Variants in GPBP1L1 observed in about 807,000 individuals in gnomAD.
The protein encoded by GPBP1L1 is vasculin-like protein 1.
A neutral mutation model predicts 52.5 loss-of-function variants in GPBP1L1; 23 were observed. The observed-to-expected ratio is 0.44, with a 90% CI of 0.32 to 0.62. The LOEUF (loss-of-function observed/expected upper bound fraction) is 0.62, where lower values mean the gene tolerates loss of function less well. Ranked by LOEUF, GPBP1L1 falls within the 20% of genes least tolerant of loss-of-function variation. GPBP1L1 has a pLI of 0.06. For synonymous variants in GPBP1L1, 243 were observed against 203.1 expected, an observed-to-expected ratio of 1.20 and a Z score of -1.67; for missense variants, 596 against 579.3, an observed-to-expected ratio of 1.03 and a Z score of -0.30.
chr1:45,654,941 AT>A lies in GPBP1L1; in HGVS notation c.191-113del. On this transcript the variant is annotated intron_variant, in intron 5 of 12. Transcript: ENST00000355105. ...TTAATAAAAAGTCCACACAAAAAAAATAAAAAAATGTATCTTTTCTTTGTGA... is the reference window on the plus strand; with the variant it reads ...TTAATAAAAAGTCCACACAAAAAAAAAAAAAAATGTATCTTTTCTTTGTGA... 2.6e-6 allele frequency: 3 copies of A among 1,145,004 alleles called. No homozygotes were observed. In the South Asian group the frequency reaches 4.9e-5, roughly 19 times the overall value. 70.9% of individuals were successfully genotyped at this position (1,145,004 alleles called of 1,614,324 possible).
At chr1:45,682,552 T>A (rs1645223831) in intron 2 of GPBP1L1, among the ~76,000 whole-genome samples, 1 of 152,230 alleles carries the variant, frequency 6.6e-6, no homozygotes, top group Non-Finnish European at 1.5e-5. Flanking sequence ...CTCCAACTAT[T>A]AAGTATTATC....
chr1:45,679,191 G>C (rs1012081229), intron 2 of GPBP1L1, among the ~76,000 whole-genome samples: 1 of 106,448 alleles, frequency 9.4e-6, no homozygotes, highest in Non-Finnish European at 2.1e-5. Flanking sequence ...AAAATTGTCT[G>C]ACAAGTTTAA....
At chr1:45,686,933 TC>T (rs1431067871), upstream of GPBP1L1, 1 of 152,398 alleles carries the variant, frequency 6.6e-6, no homozygotes, top group Admixed American at 6.5e-5. Flanking sequence ...CATGTGTGTA[TC>T]CCTTTTTTCT....
chr1:45,681,333 C>T (rs1030546767), intron 2 of GPBP1L1, among the ~76,000 whole-genome samples: 4 of 152,186 alleles, frequency 2.6e-5, no homozygotes, highest in Non-Finnish European at 5.9e-5. Flanking sequence ...CTATATCCAA[C>T]TACCAATTTA....
intron 8 of GPBP1L1, among the ~76,000 whole-genome samples, chr1:45,639,821 T>A (rs1644647314): frequency 6.6e-6 from 1 of 151,884 alleles, no homozygotes; most frequent in South Asian, 2.1e-4. Flanking sequence ...GAGCTTGCAG[T>A]GAGCTGAGAT....
intron 4 of GPBP1L1, 124 bp downstream of exon 4, chr1:45,658,904 C>A (rs186240472): frequency 6.1e-5 from 44 of 716,690 alleles, no homozygotes; most frequent in South Asian, 2.9e-4. Context: ...ATCACACTAC[C>A]GCACTTCATC....
upstream of GPBP1L1, chr1:45,687,330 G>A (rs1042481991): frequency 2.0e-5 from 3 of 152,352 alleles, no homozygotes; most frequent in East Asian, 3.8e-4. Flanking sequence ...CAATAAAACT[G>A]AAGGCCTAGC....
intron 6 of GPBP1L1, among the ~76,000 whole-genome samples, chr1:45,644,557 ATTT>A (rs5773888): frequency 1.3e-5 from 2 of 149,808 alleles, no homozygotes; most frequent in Non-Finnish European, 3.0e-5. Flanking sequence ...TGATCACTGC[ATTT>A]TTTTTTTTTA....
chr1:45,679,328 G>C (rs911977106), intron 2 of GPBP1L1, among the ~76,000 whole-genome samples: 16 of 152,196 alleles, frequency 1.1e-4, no homozygotes, highest in Non-Finnish European at 1.6e-4. Flanking sequence ...GCCACAGGAA[G>C]AGCCTGCTTA....
chr1:45,643,745 T>C (rs1247085255), intron 6 of GPBP1L1, among the ~76,000 whole-genome samples: 5 of 144,420 alleles, frequency 3.5e-5, no homozygotes, highest in South Asian at 2.3e-4. Context: ...TCCTGGCTCA[T>C]TGCAACCTCC....
Position 45,634,411 on chromosome 1 carries a change from A to G in GPBP1L1, c.745-175T>C, listed in dbSNP as rs1644568961. 4 of 537,240 alleles carry G rather than the reference A, an allele frequency of 7.4e-6. No individual in the cohort carries two copies. The Admixed American group carries it at 9.5e-5, about 13-fold the overall frequency. 33.3% of individuals were successfully genotyped at this position (537,240 alleles called of 1,614,324 possible). On this transcript the variant is annotated intron_variant, in intron 8 of 12. Transcript: ENST00000355105. ...CTTTCGGAGGTTAGGCACTTCAAGG[A>G]AAATGGTAGATGGGATACAGAAGAG...
rs1282214257 is a variant in GPBP1L1, at chr1:45,645,418, C to T, written c.478-2919G>A. Among the ~76,000 whole-genome samples the T allele has an allele frequency of 4.6e-5, 7 of 152,216 alleles. No individual in the cohort carries two copies. The East Asian group carries it at 9.6e-4, about 21-fold the overall frequency. ...TTCCTCCTACAAGAATCCTGATTCT[C>T]AAGCATACAAAGTATAGAATATCAT... On this transcript the variant is annotated intron_variant, in intron 6 of 12. Coordinates refer to ENST00000355105, the MANE Select transcript of GPBP1L1 (RefSeq NM_021639.5).
Position 45,633,595 on chromosome 1 carries a change from T to C in GPBP1L1, c.938A>G (p.Lys313Arg). The change falls in exon 10 of 13, where the codon AAG becomes AGG. Residue 313 changes from lysine to arginine, a missense_variant. Physicochemically the swap from Lys to Arg is conservative, Grantham distance 26. Transcript: ENST00000355105. ...CCTGTCGGTGGTTCGGCGGGTCAAC[T>C]TGGTCAGACGAGAGGAGCTGATCTC... ...PIEISSSRLT[K>R]LTRRTTDRKS... is the part of the protein sequence containing the mutation. 6.2e-7 allele frequency: 1 copy of C among 1,613,632 alleles called. No homozygotes were observed. Among genetic ancestry groups the C allele is most frequent in the Non-Finnish European group, 8.5e-7 (1 of 1,179,878 alleles).
At chr1:45,657,155 A>G (rs1388640477) in intron 4 of GPBP1L1, among the ~76,000 whole-genome samples, 1 of 152,200 alleles carries the variant, frequency 6.6e-6, no homozygotes, top group Non-Finnish European at 1.5e-5. Flanking sequence ...AGATCTATAT[A>G]CTTTTCAGGT....
At chr1:45,681,246 C>G (rs1451586763) in intron 2 of GPBP1L1, among the ~76,000 whole-genome samples, 1 of 152,084 alleles carries the variant, frequency 6.6e-6, no homozygotes, top group Non-Finnish European at 1.5e-5. Context: ...ATAAAAATCC[C>G]CAAATACACA....
intron 6 of GPBP1L1, among the ~76,000 whole-genome samples, chr1:45,648,328 TA>T (rs982700146): frequency 5.9e-5 from 9 of 152,224 alleles, no homozygotes; most frequent in Admixed American, 3.9e-4. Flanking sequence ...TTAAATTCCT[TA>T]TATTAACTTT....
chr1:45,653,202 G>A (rs1341448852), intron 6 of GPBP1L1, among the ~76,000 whole-genome samples: 6 of 152,132 alleles, frequency 3.9e-5, no homozygotes, highest in African/African-American at 1.4e-4. Flanking sequence ...ACTAACTGAT[G>A]AAATGGCTAT....
intron 4 of GPBP1L1, 167 bp from the exon 5 acceptor site, chr1:45,655,486 G>A (rs1253332363): frequency 3.1e-6 from 2 of 642,754 alleles, no homozygotes; most frequent in South Asian, 2.0e-5. Context: ...CTAATTTAGA[G>A]AAGTCCTAGG....
Position 45,633,481 on chromosome 1 carries a change from G to A in GPBP1L1, c.1044+8C>T, listed in dbSNP as rs377258853. On this transcript the variant is annotated splice_region_variant and intron_variant, in intron 10 of 12. Coordinates refer to ENST00000355105, the MANE Select transcript of GPBP1L1 (RefSeq NM_021639.5). ...TAGGCTACCCCCAGAAAAGGCGGAT[G>A]CTCTTACATCTTCCAGCTTGTCACA... The A allele has an allele frequency of 2.1e-4, 340 of 1,612,122 alleles. No individual in the cohort carries two copies. The highest frequency in any genetic ancestry group is 2.8e-4 in the Non-Finnish European group (326 of 1,179,246).
Sources: gnomAD v4.1 joint callset for allele counts (sites outside exome capture counted in the v4.1 genomes callset) on GRCh38, gnomAD v4.1.1 for gene constraint, MANE v1.5 for transcripts, NCBI Gene and HGNC (gene_info 2026-07-23, HGNC 2026-07-21) for gene names.